Variants in CADM2 observed in about 807,000 individuals in gnomAD.
CADM2 encodes the protein cell adhesion molecule 2.
Under a neutral mutation model 49.8 loss-of-function variants are expected in CADM2, and 12 were observed. That is an observed-to-expected ratio of 0.24 (90% CI 0.15 to 0.39). CADM2 has a LOEUF of 0.39. CADM2 is among the 10% of genes least tolerant of loss of function. CADM2 has a pLI of 1.00. For synonymous variants in CADM2, 214 were observed against 175.4 expected (o/e 1.22, Z -1.74); for missense variants, 378 against 492.3 (o/e 0.77, Z 2.20).
At chr3:85,348,069 T>G (rs770425963) in intron 1 of CADM2, among the ~76,000 whole-genome samples, 19 of 151,964 alleles carry the variant, frequency 1.3e-4, no homozygotes, top group Non-Finnish European at 2.1e-4. Flanking sequence ...TTTATTAAAT[T>G]TTTGTCATCT....
chr3:85,061,598 C>T (rs1303916869), intron 1 of CADM2, among the ~76,000 whole-genome samples: 1 of 151,970 alleles, frequency 6.6e-6, no homozygotes, highest in Non-Finnish European at 1.5e-5. Context: ...AGCCTGTGAA[C>T]CAATTACAGT....
chr3:85,413,960 G>A (rs929705702), intron 1 of CADM2, among the ~76,000 whole-genome samples: 3 of 152,112 alleles, frequency 2.0e-5, no homozygotes, highest in African/African-American at 4.8e-5. Context: ...TGCCTCCAGG[G>A]TTCAAGCGAT....
intron 1 of CADM2, among the ~76,000 whole-genome samples, chr3:85,479,810 G>A (rs1474985110): frequency 1.3e-5 from 2 of 151,876 alleles, no homozygotes; most frequent in Non-Finnish European, 2.9e-5. Flanking sequence ...TAAACTTTGG[G>A]AGAAAAGGAT....
At chr3:85,554,048 C>T (rs2061884680) in intron 1 of CADM2, among the ~76,000 whole-genome samples, 1 of 151,542 alleles carries the variant, frequency 6.6e-6, no homozygotes, top group Non-Finnish European at 1.5e-5. Context: ...TCCAAGGCAG[C>T]GGTCCCCAAC....
chr3:85,835,764 A>AATAT (rs60751030), intron 3 of CADM2, among the ~76,000 whole-genome samples: 5,308 of 145,892 alleles, frequency 0.036, 300 homozygotes, highest in African/African-American at 0.12. Context: ...TATATAATAT[A>AATAT]ATATATATAT....
At chr3:86,066,379 T>C (rs556083827) in intron 9 of CADM2, among the ~76,000 whole-genome samples, 2 of 135,320 alleles carry the variant, frequency 1.5e-5, no homozygotes, top group Non-Finnish European at 3.1e-5. Context: ...AAAGACCCTG[T>C]TTGCTACAGC....
intron 8 of CADM2, among the ~76,000 whole-genome samples, chr3:86,020,798 T>C (rs1733052208): frequency 6.6e-6 from 1 of 152,154 alleles, no homozygotes; most frequent in Admixed American, 6.5e-5. Flanking sequence ...CTCTTCATGC[T>C]AAAATCTCTC....
chr3:85,985,000 A>C (rs151275668), intron 8 of CADM2, among the ~76,000 whole-genome samples: 1 of 152,078 alleles, frequency 6.6e-6, no homozygotes, highest in Non-Finnish European at 1.5e-5. Flanking sequence ...AAATATCTAG[A>C]ACTAGAGTTA....
chr3:85,868,061 G>A (rs2075788449), intron 3 of CADM2, among the ~76,000 whole-genome samples: 2 of 151,936 alleles, frequency 1.3e-5, no homozygotes, highest in Admixed American at 6.5e-5. Context: ...TCTTCTCAGT[G>A]TAACATTTTA....
intron 1 of CADM2, among the ~76,000 whole-genome samples, chr3:85,691,149 A>T (rs1278315252): frequency 6.6e-6 from 1 of 151,922 alleles, no homozygotes; most frequent in Non-Finnish European, 1.5e-5. Context: ...ACTTCTTTAG[A>T]CTCCACATAT....
chr3:85,618,097 T>A (rs1428771928), intron 1 of CADM2, among the ~76,000 whole-genome samples: 1 of 152,170 alleles, frequency 6.6e-6, no homozygotes, highest in Admixed American at 6.6e-5. Flanking sequence ...TAGGAATTGT[T>A]TTGTAAAAAA....
At chr3:85,209,603 C>G (rs899878342) in intron 1 of CADM2, among the ~76,000 whole-genome samples, 1 of 151,976 alleles carries the variant, frequency 6.6e-6, no homozygotes, top group Non-Finnish European at 1.5e-5. Flanking sequence ...AATAAAGAGT[C>G]TTGAATCACA....
intron 8 of CADM2, among the ~76,000 whole-genome samples, chr3:86,025,266 A>G (rs1242058231): frequency 6.6e-6 from 1 of 152,132 alleles, no homozygotes; most frequent in African/African-American, 2.4e-5. Flanking sequence ...CATGTTGGCC[A>G]GGCTGGTCTC....
intron 2 of CADM2, among the ~76,000 whole-genome samples, chr3:85,768,208 A>AG (rs1270117661): frequency 2.0e-5 from 3 of 151,962 alleles, no homozygotes; most frequent in African/African-American, 7.3e-5. Flanking sequence ...GCACTTTGAG[A>AG]GGCAGAGGCA....
chr3:85,974,367 T>G (rs1420875231), intron 8 of CADM2, among the ~76,000 whole-genome samples: 2 of 151,648 alleles, frequency 1.3e-5, no homozygotes, highest in Non-Finnish European at 3.0e-5. Context: ...GGCAGATGTC[T>G]TCTTGTATGC....
intron 1 of CADM2, among the ~76,000 whole-genome samples, chr3:85,618,798 C>G (rs571340825): frequency 6.6e-6 from 1 of 151,884 alleles, no homozygotes; most frequent in African/African-American, 2.4e-5. Flanking sequence ...ACAATAGTGT[C>G]TATTTGTTAT....
intron 1 of CADM2, among the ~76,000 whole-genome samples, chr3:85,432,867 T>TTTAATCTTTTTAATTTA (rs2036747058): frequency 6.6e-6 from 1 of 152,118 alleles, no homozygotes; most frequent in Non-Finnish European, 1.5e-5. Context: ...TTAATCTTTA[T>TTTAATCTTTTTAATTTA]GTCCAAAGTC....
chr3:85,074,094 G>A (rs2036855815), intron 1 of CADM2, among the ~76,000 whole-genome samples: 1 of 152,018 alleles, frequency 6.6e-6, no homozygotes, highest in Non-Finnish European at 1.5e-5. Flanking sequence ...ATTGCACAGT[G>A]CAGCTGTATT....
intron 1 of CADM2, among the ~76,000 whole-genome samples, chr3:85,543,021 G>C (rs2061580205): frequency 2.6e-5 from 4 of 152,128 alleles, no homozygotes; most frequent in African/African-American, 9.7e-5. Flanking sequence ...ATCATTAAAT[G>C]TGCTTGTTAT....
Sources: gnomAD v4.1 joint callset for allele counts (sites outside exome capture counted in the v4.1 genomes callset) on GRCh38, gnomAD v4.1.1 for gene constraint, MANE v1.5 for transcripts, NCBI Gene and HGNC (gene_info 2026-07-23, HGNC 2026-07-21) for gene names.